Variants in DDX39A observed in about 807,000 individuals in gnomAD.
DDX39A encodes DExD-box helicase 39A.
DDX39A carries 13 observed loss-of-function variants against 46.3 expected under a neutral mutation model. That is an observed-to-expected ratio of 0.28 (90% confidence interval 0.18 to 0.45). The LOEUF is 0.45. DDX39A is among the 20% of genes least tolerant of loss of function. The pLI is 1.00. For synonymous variants in DDX39A, 234 were observed against 224.6 expected (o/e 1.04, Z -0.38); for missense variants, 352 against 581.8 (o/e 0.61, Z 4.06).
rs1976533948 is a variant in DDX39A, at chr19:14,410,459, G to A, written c.614-125C>T. The stretch of plus-strand genomic sequence containing the variant: ...CCAGTGGCACCGTGACGAGGGCAGA[G>A]TGAGCCGCGGGAGTGGCCAGTCCTG... On this transcript the variant is annotated intron_variant, in intron 5 of 10. Coordinates refer to ENST00000242776, the MANE Select transcript of DDX39A (RefSeq NM_005804.4). The surrounding 1 kb of genome is among the most constrained non-coding windows in gnomAD (Gnocchi z 4.3). 2.4e-6 allele frequency: 2 copies of A among 826,538 alleles called. No individual in the cohort carries two copies. Among genetic ancestry groups the A allele is most frequent in the Non-Finnish European group, 4.0e-6 (2 of 501,656 alleles). 51.2% of individuals were successfully genotyped at this position (826,538 alleles called of 1,614,324 possible). A position where few individuals can be genotyped will look rare whatever the true frequency, so the allele number is the denominator to read the frequency against.
chr19:14,409,853 G>A lies in DDX39A; in HGVS notation c.753C>T (p.Asp251=), dbSNP rs560901519. 21 of 1,613,876 alleles carry A rather than the reference G, an allele frequency of 1.3e-5. No individual in the cohort carries two copies. Among genetic ancestry groups the A allele is most frequent in the Admixed American group, 5.0e-5 (3 of 59,994 alleles). The change falls in exon 7 of 11, where the codon GAC becomes GAT. Residue 251 remains aspartate, a synonymous_variant. Transcript: ENST00000242776. The surrounding 1 kb of genome is among the most constrained non-coding windows in gnomAD (Gnocchi z 8.3). The stretch of plus-strand genomic sequence containing the variant: ...CGTGCAGCGTGAGCTTGGTCTCGTC[G>A]TCCACAAACACCTCCATGGGCTGTG... The part of the protein sequence containing the change: ...FMQDPMEVFV[D]DETKLTLHGL...
chr19:14,415,266 G>A (rs1976763851), intron 1 of DDX39A, among the ~76,000 whole-genome samples: 1 of 152,068 alleles, frequency 6.6e-6, no homozygotes. Context: ...ACTCAGCACA[G>A]TGTGCTCTAC....
In DDX39A at chr19:14,408,913, T is replaced by A. The variant is rs773149157; in HGVS notation, c.*23A>T. 6.4e-7 allele frequency: 1 copy of A among 1,573,252 alleles called. No homozygotes were observed. Among genetic ancestry groups the A allele is most frequent in the African/African-American group, 1.4e-5 (1 of 73,706 alleles). On this transcript the variant is annotated 3_prime_UTR_variant, in exon 11 of 11. Coordinates refer to ENST00000242776, the MANE Select transcript of DDX39A (RefSeq NM_005804.4). ...GAAGCTGCATGCGGGCGGCTCCGGG[T>A]GGGCGGCTCTGGCACGTGGTGGTTA...
chr19:14,411,442 G>T lies in DDX39A; in HGVS notation c.429+64C>A. The T allele has an allele frequency of 6.7e-7, 1 of 1,491,462 alleles. No individual in the cohort carries two copies. The allele number at this position is 1,491,462 out of a possible 1,614,324, so 92.4% of individuals were successfully genotyped here. ...CTTGGTAAATGCTGGCTGGGCCAGAGCCGAGGCTAACAAAGCTGCAGAAAC... is the reference window on the plus strand; with the variant it reads ...CTTGGTAAATGCTGGCTGGGCCAGATCCGAGGCTAACAAAGCTGCAGAAAC... On this transcript the variant is annotated intron_variant, in intron 4 of 10. Transcript: ENST00000242776. This position sits in a 1 kb window ranked among gnomAD's most constrained non-coding sequence, Gnocchi z 4.1.
Position 14,412,469 on chromosome 19 carries a change from C to T in DDX39A, c.336+82G>A. ...TCAGCTTCCCAAAGCACTGGGCTAA[C>T]AGGTGTGAGCCACCCCATCCAGCCT... On this transcript the variant is annotated intron_variant, in intron 3 of 10. Coordinates refer to ENST00000242776, the MANE Select transcript of DDX39A (RefSeq NM_005804.4). This position sits in a 1 kb window ranked among gnomAD's most constrained non-coding sequence, Gnocchi z 4.4. 6.5e-7 allele frequency: 1 copy of T among 1,528,336 alleles called. No individual in the cohort carries two copies. Among genetic ancestry groups the T allele is most frequent in the Non-Finnish European group, 8.8e-7 (1 of 1,139,648 alleles). The allele number at this position is 1,528,336 out of a possible 1,614,324, so 94.7% of individuals were successfully genotyped here. A position where few individuals can be genotyped will look rare whatever the true frequency, so the allele number is the denominator to read the frequency against.
rs1490191406 is a variant in DDX39A, at chr19:14,413,140, T to G, written c.81A>C (p.Pro27=). ...CCTTGATGTCTTTCTTAGGGGGAGCTGGTGTGCTCTCTTGAGGAGCCTGGG... is the reference window on the plus strand; with the variant it reads ...CCTTGATGTCTTTCTTAGGGGGAGCGGGTGTGCTCTCTTGAGGAGCCTGGG... The part of the protein sequence containing the change: ...EEPQAPQEST[P]APPKKDIKGS... Residue 27 remains proline, a synonymous_variant, in exon 2 of 11, where the codon CCA becomes CCC. Coordinates refer to ENST00000242776, the MANE Select transcript of DDX39A (RefSeq NM_005804.4). 1 of 1,613,948 alleles carries G rather than the reference T, an allele frequency of 6.2e-7. No individual in the cohort carries two copies. The highest frequency in any genetic ancestry group is 8.5e-7 in the Non-Finnish European group (1 of 1,179,996).
Position 14,411,240 on chromosome 19 carries a change from G to A in DDX39A, c.430-68C>T. The A allele has an allele frequency of 6.7e-7, 1 of 1,499,940 alleles. No homozygotes were observed. The allele number at this position is 1,499,940 out of a possible 1,614,324, so 92.9% of individuals were successfully genotyped here. A position where few individuals can be genotyped will look rare whatever the true frequency, so the allele number is the denominator to read the frequency against. Reference sequence around the variant, plus strand: ...CCAAGGCCCCAACCTGCACGGCCCAGCACCTGCGAACAGGAGGCCTCAGGG... The same window carrying A: ...CCAAGGCCCCAACCTGCACGGCCCAACACCTGCGAACAGGAGGCCTCAGGG... On this transcript the variant is annotated intron_variant, in intron 4 of 10. Coordinates refer to ENST00000242776, the MANE Select transcript of DDX39A (RefSeq NM_005804.4). This position sits in a 1 kb window ranked among gnomAD's most constrained non-coding sequence, Gnocchi z 4.1.
At position 14,409,451 on chromosome 19, in the gene DDX39A, G is replaced by C. The variant is rs563136299; in HGVS notation, c.975-4C>G. 3.1e-6 allele frequency: 5 copies of C among 1,613,884 alleles called. No individual in the cohort carries two copies. In the South Asian group the frequency reaches 5.5e-5, roughly 18 times the overall value. ...GAACTGCTGATAGCGTGACAGGCTG[G>C]GGTGCAGGAGAAACAAGTGGAGGCC... On this transcript the variant is annotated splice_region_variant and splice_polypyrimidine_tract_variant and intron_variant, in intron 8 of 10. Transcript: ENST00000242776. This position sits in a 1 kb window ranked among gnomAD's most constrained non-coding sequence, Gnocchi z 8.3.
Position 14,408,964 on chromosome 19 carries a change from G to A in DDX39A, c.1268-12C>T, listed in dbSNP as rs1976422317. ...CCGGCTCTGCTCGACTGTAAGACAT[G>A]AGATGCAGTGAACTGAAGGGCCGGG... On this transcript the variant is annotated splice_polypyrimidine_tract_variant and intron_variant, in intron 10 of 10. Transcript: ENST00000242776. 3 of 1,607,538 alleles carry A rather than the reference G, an allele frequency of 1.9e-6. No individual in the cohort carries two copies. The highest frequency in any genetic ancestry group is 2.6e-6 in the Non-Finnish European group (3 of 1,175,238).
chr19:14,419,176 C>T (rs73517850), intron 1 of DDX39A, 94 bp downstream of exon 1: 7,591 of 348,542 alleles, frequency 0.022, 560 homozygotes, highest in African/African-American at 0.15. Context: ...CCCTTTCTCC[C>T]CCTCCCCTTA....
At chr19:14,414,228 C>G (rs1372334289) in intron 1 of DDX39A, among the ~76,000 whole-genome samples, 1 of 152,064 alleles carries the variant, frequency 6.6e-6, no homozygotes, top group Non-Finnish European at 1.5e-5. Context: ...TTTTCTCTCT[C>G]TCAACCTCCC....
At chr19:14,415,790 G>A (rs748116229) in intron 1 of DDX39A, among the ~76,000 whole-genome samples, 4 of 151,610 alleles carry the variant, frequency 2.6e-5, no homozygotes, top group African/African-American at 7.3e-5. Context: ...ACTAAGTCAC[G>A]GCCAGGCGCG....
At position 14,411,350 on chromosome 19, in the gene DDX39A, C is replaced by A; in HGVS notation, c.429+156G>T. On this transcript the variant is annotated intron_variant, in intron 4 of 10. Coordinates refer to ENST00000242776, the MANE Select transcript of DDX39A (RefSeq NM_005804.4). This position sits in a 1 kb window ranked among gnomAD's most constrained non-coding sequence, Gnocchi z 4.1. Reference sequence around the variant, plus strand: ...CCTGCGCAGGCCCCTGGGAGCCATGCATAATTCATCAGGCTTTTAAGGAGC... The same window carrying A: ...CCTGCGCAGGCCCCTGGGAGCCATGAATAATTCATCAGGCTTTTAAGGAGC... 1.0e-6 allele frequency: 1 copy of A among 983,008 alleles called. No individual in the cohort carries two copies. The highest frequency in any genetic ancestry group is 1.5e-6 in the Non-Finnish European group (1 of 660,882). 60.9% of individuals were successfully genotyped at this position (983,008 alleles called of 1,614,324 possible).
In DDX39A at chr19:14,409,730, T is replaced by G; in HGVS notation, c.864+12A>C. 10 of 1,614,138 alleles carry G rather than the reference T, an allele frequency of 6.2e-6. No homozygotes were observed. Among genetic ancestry groups the G allele is most frequent in the Non-Finnish European group, 8.5e-6 (10 of 1,179,972 alleles). On this transcript the variant is annotated intron_variant, in intron 7 of 10. Coordinates refer to ENST00000242776, the MANE Select transcript of DDX39A (RefSeq NM_005804.4). This position sits in a 1 kb window ranked among gnomAD's most constrained non-coding sequence, Gnocchi z 8.3. The stretch of plus-strand genomic sequence containing the variant: ...GGTCCTGAGCCCCAGGACAGGCTGA[T>G]GGAAGTATCACCTGGTTAAACTCCA...
intron 1 of DDX39A, among the ~76,000 whole-genome samples, chr19:14,413,749 C>T (rs1976688112): frequency 6.6e-6 from 1 of 152,210 alleles, no homozygotes; most frequent in African/African-American, 2.4e-5. Context: ...ACCCACTGGG[C>T]TTTCATGGGG....
chr19:14,419,062 C>G, intron 1 of DDX39A: 1 of 446,590 alleles, frequency 2.2e-6, no homozygotes, highest in Non-Finnish European at 4.5e-6. Flanking sequence ...CCCCGAGCAC[C>G]GCGCGCCAAC....
At chr19:14,413,609 C>G (rs2146391172) in intron 1 of DDX39A, among the ~76,000 whole-genome samples, 1 of 152,312 alleles carries the variant, frequency 6.6e-6, no homozygotes, top group South Asian at 2.1e-4. Flanking sequence ...ACCTGGCTGT[C>G]ACCGCCAGGA....
intron 1 of DDX39A, chr19:14,418,804 T>C (rs1326186245): frequency 2.5e-6 from 1 of 407,858 alleles, no homozygotes; most frequent in Admixed American, 3.2e-5. Flanking sequence ...GAATCCCGAA[T>C]CCCGTAAAAA....
At chr19:14,413,836 C>T (rs767396883) in intron 1 of DDX39A, 9 of 153,662 alleles carry the variant, frequency 5.9e-5, no homozygotes, top group Non-Finnish European at 1.0e-4. Context: ...CAAGCAGTAT[C>T]TGTCCAGCCC....
Sources: allele counts gnomAD v4.1 joint callset (sites outside exome capture counted in the v4.1 genomes callset), GRCh38; gene constraint gnomAD v4.1.1; non-coding constraint Gnocchi (gnomAD v3.1); transcripts MANE v1.5; gene names NCBI Gene and HGNC (gene_info 2026-07-23, HGNC 2026-07-21).